The following DEPDC1B variants were observed in gnomAD, a reference collection of about 807,000 sequenced individuals.
DEPDC1B encodes DEP domain containing 1B, also known as DEP domain-containing protein 1B.
In DEPDC1B, 51 loss-of-function variants were observed where a neutral mutation model predicts 66.5. The observed-to-expected ratio is 0.77, with a 90% CI of 0.61 to 0.97. The LOEUF (loss-of-function observed/expected upper bound fraction) is 0.97, where lower values mean the gene tolerates loss of function less well. Ranked by LOEUF, DEPDC1B falls within the 50% of genes least tolerant of loss-of-function variation. The pLI is 0.00. For synonymous variants in DEPDC1B, 226 were observed against 223.6 expected (o/e 1.01, Z -0.10); for missense variants, 552 against 637.1 (o/e 0.87, Z 1.44).
intron 2 of DEPDC1B, among the ~76,000 whole-genome samples, chr5:60,686,452 G>A (rs546713981): frequency 6.6e-6 from 1 of 152,276 alleles, no homozygotes; most frequent in South Asian, 2.1e-4. Context: ...TGATAAAATA[G>A]CACTGAAACA....
chr5:60,622,200 C>G (rs574189200), intron 7 of DEPDC1B, among the ~76,000 whole-genome samples: 1 of 152,124 alleles, frequency 6.6e-6, no homozygotes. Context: ...CTTCCGCCCC[C>G]CCAAAGAATC....
intron 2 of DEPDC1B, among the ~76,000 whole-genome samples, chr5:60,667,710 A>T (rs1002276729): frequency 7.4e-5 from 10 of 134,808 alleles, no homozygotes; most frequent in Admixed American, 4.4e-4. Flanking sequence ...CATGTATATA[A>T]AATGGATATT....
chr5:60,695,361 A>C (rs180809426), intron 1 of DEPDC1B, among the ~76,000 whole-genome samples: 17 of 152,294 alleles, frequency 1.1e-4, no homozygotes, highest in African/African-American at 4.1e-4. Flanking sequence ...CACATAACAC[A>C]GCAAGGGGGG....
intron 7 of DEPDC1B, among the ~76,000 whole-genome samples, chr5:60,614,907 C>T (rs867173906): frequency 6.6e-6 from 1 of 152,176 alleles, no homozygotes; most frequent in Non-Finnish European, 1.5e-5. Flanking sequence ...AGGAGAATCA[C>T]TTGAACCTGG....
chr5:60,622,186 A>C (rs1752719604), intron 7 of DEPDC1B, among the ~76,000 whole-genome samples: 1 of 152,108 alleles, frequency 6.6e-6, no homozygotes, highest in Non-Finnish European at 1.5e-5. Context: ...GAAAATATAA[A>C]ACTCTTCCGC....
chr5:60,610,404 C>T (rs1752391808), intron 7 of DEPDC1B, among the ~76,000 whole-genome samples: 1 of 152,184 alleles, frequency 6.6e-6, no homozygotes, highest in African/African-American at 2.4e-5. Context: ...TTAAAACTAA[C>T]ATCAGGAGGA....
intron 6 of DEPDC1B, among the ~76,000 whole-genome samples, 172 bp from the exon 7 acceptor site, chr5:60,639,062 T>C (rs1418560390): frequency 6.6e-6 from 1 of 152,232 alleles, no homozygotes; most frequent in East Asian, 1.9e-4. Context: ...CTGATATTAA[T>C]TAAATAGGCA....
intron 3 of DEPDC1B, 93 bp downstream of exon 3, chr5:60,647,305 T>C (rs1753341290): frequency 2.1e-6 from 3 of 1,439,148 alleles, no homozygotes; most frequent in Non-Finnish European, 2.7e-6. Context: ...TTTAAATTAT[T>C]GTTCATAAAG....
intron 6 of DEPDC1B, among the ~76,000 whole-genome samples, chr5:60,642,472 C>G (rs1207707909): frequency 2.0e-5 from 3 of 152,220 alleles, no homozygotes; most frequent in African/African-American, 7.2e-5. Context: ...TCCAGGCCCT[C>G]TCATCTAACA....
At chr5:60,636,458 T>C (rs1232666879) in intron 7 of DEPDC1B, among the ~76,000 whole-genome samples, 1 of 152,202 alleles carries the variant, frequency 6.6e-6, no homozygotes. Context: ...CACTGTAGAA[T>C]TTTTAGCTTC....
chr5:60,650,096 G>C (rs1490409457), intron 2 of DEPDC1B, among the ~76,000 whole-genome samples: 23 of 151,964 alleles, frequency 1.5e-4, no homozygotes, highest in Admixed American at 1.5e-3. Flanking sequence ...TACACTTGTA[G>C]TCCCAGCTAC....
intron 7 of DEPDC1B, among the ~76,000 whole-genome samples, chr5:60,616,453 A>G (rs1401936377): frequency 1.3e-5 from 2 of 152,258 alleles, no homozygotes. Context: ...TTAAAGGACC[A>G]GATGAAGCTG....
chr5:60,664,373 T>C (rs930936438), intron 2 of DEPDC1B, among the ~76,000 whole-genome samples: 1 of 152,188 alleles, frequency 6.6e-6, no homozygotes, highest in Non-Finnish European at 1.5e-5. Flanking sequence ...TCTTACTGTG[T>C]GGCCATCTCA....
At chr5:60,645,421 C>A (rs1753288437) in intron 4 of DEPDC1B, 71 bp downstream of exon 4, 6 of 1,375,664 alleles carry the variant, frequency 4.4e-6, no homozygotes, top group Non-Finnish European at 5.8e-6. Flanking sequence ...ATTAAATATG[C>A]AGAGAGTGAA....
At chr5:60,656,053 G>C (rs1043583241) in intron 2 of DEPDC1B, among the ~76,000 whole-genome samples, 1 of 151,956 alleles carries the variant, frequency 6.6e-6, no homozygotes, top group Non-Finnish European at 1.5e-5. Flanking sequence ...CTATCTTGGA[G>C]AATGTTCCAT....
At chr5:60,684,239 A>T (rs1754361409) in intron 2 of DEPDC1B, among the ~76,000 whole-genome samples, 1 of 152,142 alleles carries the variant, frequency 6.6e-6, no homozygotes, top group Non-Finnish European at 1.5e-5. Flanking sequence ...TAGAGAACAG[A>T]AAAAAACAAT....
At chr5:60,644,677 G>T in intron 5 of DEPDC1B, 68 bp downstream of exon 5, 1 of 1,360,178 alleles carries the variant, frequency 7.4e-7, no homozygotes, top group Non-Finnish European at 9.9e-7. Context: ...GGGTCAGAAA[G>T]GAGCTGATGG....
At chr5:60,619,723 T>C (rs1488271914) in intron 7 of DEPDC1B, among the ~76,000 whole-genome samples, 3 of 152,172 alleles carry the variant, frequency 2.0e-5, no homozygotes, top group Admixed American at 6.5e-5. Flanking sequence ...CCCAAGGTAA[T>C]TTATAGATTC....
At chr5:60,642,556 T>G (rs777718998) in intron 6 of DEPDC1B, among the ~76,000 whole-genome samples, 1 of 152,232 alleles carries the variant, frequency 6.6e-6, no homozygotes, top group African/African-American at 2.4e-5. Context: ...TCCTTCATCC[T>G]GTGATGAAGC....
Sources: gnomAD v4.1 joint callset for allele counts (sites outside exome capture counted in the v4.1 genomes callset) on GRCh38, gnomAD v4.1.1 for gene constraint, MANE v1.5 for transcripts, NCBI Gene and HGNC (gene_info 2026-07-23, HGNC 2026-07-21) for gene names.